The following ARHGEF6 variants were observed in gnomAD, a reference collection of about 807,000 sequenced individuals.
ARHGEF6 encodes rho guanine nucleotide exchange factor 6.
In ARHGEF6, 9 loss-of-function variants were observed where a neutral mutation model predicts 70.3. That is an observed-to-expected ratio of 0.13 (90% CI 0.08 to 0.22). ARHGEF6 has a LOEUF of 0.22. Ranked by LOEUF, ARHGEF6 falls within the 10% of genes least tolerant of loss-of-function variation. The pLI is 1.00. For missense variants in ARHGEF6, 470 were observed against 563.0 expected (o/e 0.83, Z 1.67); for synonymous variants, 201 against 207.8 (o/e 0.97, Z 0.28).
At chrX:136,727,333 C>CTT (rs1569410819) in intron 6 of ARHGEF6, among the ~76,000 whole-genome samples, 16 of 32,789 alleles carry the variant, frequency 4.9e-4, no homozygotes, top group Middle Eastern at 0.017. Context: ...CTTTTTCTTT[C>CTT]TTTCTTTCTT....
At chrX:136,774,387 A>G (rs1448778892) in intron 2 of ARHGEF6, among the ~76,000 whole-genome samples, 3 of 110,322 alleles carry the variant, frequency 2.7e-5, no homozygotes, top group Admixed American at 9.7e-5. Context: ...GTGGTGGCTC[A>G]TGCCTGTAAT....
At chrX:136,736,741 A>T (rs968360087) in intron 5 of ARHGEF6, among the ~76,000 whole-genome samples, 2 of 110,628 alleles carry the variant, frequency 1.8e-5, no homozygotes, top group African/African-American at 6.6e-5. Context: ...GCCTCCTCTC[A>T]AAGAGCGGGA....
chrX:136,676,628 C>T lies in ARHGEF6; in HGVS notation c.1941G>A (p.Arg647=). ...CAGAAAGTACAAAACACATACTTTT[C>T]CTAATCACATATTCCTCCTCCGATG... ...RKPSEEEYVI[R]KSTAALEEDA... The change falls in exon 18 of 22, where the codon AGG becomes AGA. Residue 647 remains arginine (R), a synonymous_variant. Transcript: ENST00000250617. 8.4e-7 allele frequency: 1 copy of T among 1,194,050 alleles called. No homozygotes were observed. The highest frequency in any genetic ancestry group is 1.1e-6 in the Non-Finnish European group (1 of 879,547).
intron 19 of ARHGEF6, 56 bp downstream of exon 19, chrX:136,674,951 C>T (rs2076263185): frequency 2.7e-6 from 3 of 1,106,187 alleles, no homozygotes; most frequent in Non-Finnish European, 3.7e-6. Context: ...CTAAAAGACA[C>T]TAAACAGTAA....
chrX:136,760,045 A>T (rs1421329566), intron 2 of ARHGEF6, among the ~76,000 whole-genome samples: 1 of 112,242 alleles, frequency 8.9e-6, no homozygotes, highest in African/African-American at 3.2e-5. Flanking sequence ...GCCTGGAGCT[A>T]ATCGGACAGA....
intron 5 of ARHGEF6, among the ~76,000 whole-genome samples, chrX:136,740,998 T>C: frequency 8.9e-6 from 1 of 112,329 alleles, no homozygotes; most frequent in Non-Finnish European, 1.9e-5. Flanking sequence ...CAGGGCTCAA[T>C]AGAACCTTCT....
At chrX:136,690,245 G>A (rs901396933) in intron 10 of ARHGEF6, among the ~76,000 whole-genome samples, 1 of 111,363 alleles carries the variant, frequency 9.0e-6, no homozygotes, top group Non-Finnish European at 1.9e-5. Context: ...CAATAAAGTT[G>A]GTTAATATAC....
chrX:136,720,771 A>C (rs1051753252), intron 6 of ARHGEF6, among the ~76,000 whole-genome samples: 4 of 112,432 alleles, frequency 3.6e-5, no homozygotes, highest in African/African-American at 1.3e-4. Context: ...AAATCAAAAA[A>C]ATTTCTGGAG....
intron 5 of ARHGEF6, among the ~76,000 whole-genome samples, chrX:136,735,833 G>A (rs1251716756): frequency 9.0e-6 from 1 of 111,700 alleles, no homozygotes; most frequent in Non-Finnish European, 1.9e-5. Context: ...ATACACCCAG[G>A]GGATTAAAAC....
intron 2 of ARHGEF6, chrX:136,767,323 G>C (rs2077326190): frequency 1.3e-6 from 1 of 753,658 alleles, no homozygotes; most frequent in Non-Finnish European, 1.6e-6. Flanking sequence ...CCCTGAGCGC[G>C]GCCGCCACCA....
intron 2 of ARHGEF6, among the ~76,000 whole-genome samples, chrX:136,769,111 T>A (rs1353221892): frequency 9.1e-6 from 1 of 110,160 alleles, no homozygotes; most frequent in Non-Finnish European, 1.9e-5. Context: ...AAAATATCTT[T>A]AAAAAAAAAT....
intron 21 of ARHGEF6, 130 bp from the exon 22 acceptor site, chrX:136,668,299 T>A: frequency 1.2e-6 from 1 of 809,079 alleles, no homozygotes; most frequent in Non-Finnish European, 1.8e-6. Flanking sequence ...CCTCAGCATC[T>A]ATGACAAAGC....
At chrX:136,764,536 T>C (rs1200417298) in intron 2 of ARHGEF6, among the ~76,000 whole-genome samples, 1 of 111,963 alleles carries the variant, frequency 8.9e-6, no homozygotes, top group Non-Finnish European at 1.9e-5. Context: ...AACAAGTACA[T>C]ACTGTATGAG....
At chrX:136,765,620 G>T (rs2077306137) in intron 2 of ARHGEF6, among the ~76,000 whole-genome samples, 1 of 112,682 alleles carries the variant, frequency 8.9e-6, no homozygotes. Context: ...TAGTAGCTTG[G>T]AAGACATACC....
chrX:136,702,469 C>T (rs2076586282), intron 9 of ARHGEF6, among the ~76,000 whole-genome samples: 1 of 111,883 alleles, frequency 8.9e-6, no homozygotes, highest in Admixed American at 9.4e-5. Context: ...GATTAAGAAA[C>T]AAGACTCAAA....
At chrX:136,682,909 G>A (rs2076347176) in intron 12 of ARHGEF6, 65 bp from the exon 13 acceptor site, 1 of 888,794 alleles carries the variant, frequency 1.1e-6, no homozygotes, top group Non-Finnish European at 1.7e-6. Context: ...GAGAATTTCT[G>A]GAATCACTGC....
chrX:136,708,215 G>C (rs1345893318), intron 8 of ARHGEF6, among the ~76,000 whole-genome samples: 1 of 110,422 alleles, frequency 9.1e-6, no homozygotes, highest in East Asian at 2.8e-4. Context: ...GCCTGTCGGG[G>C]AGTGGGGTGA....
chrX:136,778,785 G>C (rs964632683), intron 2 of ARHGEF6, among the ~76,000 whole-genome samples: 2 of 111,574 alleles, frequency 1.8e-5, no homozygotes, highest in East Asian at 5.6e-4. Flanking sequence ...GGCCTTATTT[G>C]ATTCTTAAAG....
intron 21 of ARHGEF6, among the ~76,000 whole-genome samples, chrX:136,668,456 G>A (rs755401316): frequency 1.9e-3 from 213 of 110,370 alleles, no homozygotes; most frequent in Non-Finnish European, 2.2e-3. Flanking sequence ...AAATATCTCT[G>A]GTACTGACCT....
Sources: allele counts gnomAD v4.1 joint callset (sites outside exome capture counted in the v4.1 genomes callset), GRCh38; gene constraint gnomAD v4.1.1; transcripts MANE v1.5; gene names NCBI Gene and HGNC (gene_info 2026-07-23, HGNC 2026-07-21).